The following PDE7B variants were observed in gnomAD, a reference collection of about 807,000 sequenced individuals.
PDE7B encodes phosphodiesterase 7B, also known as 3',5'-cyclic-AMP phosphodiesterase 7B.
A neutral mutation model predicts 56.2 loss-of-function variants in PDE7B; 29 were observed. That is an observed-to-expected ratio of 0.52 (90% CI 0.38 to 0.70). The LOEUF (loss-of-function observed/expected upper bound fraction) is 0.70, where lower values mean the gene tolerates loss of function less well. PDE7B is among the 30% of genes least tolerant of loss of function. PDE7B has a pLI of 0.00. For synonymous variants in PDE7B, 197 were observed against 196.9 expected, an observed-to-expected ratio of 1.00 and a Z score of 0.00; for missense variants, 490 against 565.0, an observed-to-expected ratio of 0.87 and a Z score of 1.35.
At chr6:135,933,196 A>G (rs1774325236) in intron 1 of PDE7B, among the ~76,000 whole-genome samples, 1 of 152,226 alleles carries the variant, frequency 6.6e-6, no homozygotes, top group African/African-American at 2.4e-5. Context: ...ATAGTGCACT[A>G]CAAAGCACAG....
At chr6:135,870,562 A>T (rs1334508351) in intron 1 of PDE7B, among the ~76,000 whole-genome samples, 3 of 151,700 alleles carry the variant, frequency 2.0e-5, no homozygotes, top group Non-Finnish European at 4.4e-5. Context: ...AATAAACTAA[A>T]TTTGAGAACA....
intron 1 of PDE7B, among the ~76,000 whole-genome samples, chr6:135,934,938 T>C (rs1446546848): frequency 5.3e-5 from 4 of 75,354 alleles, no homozygotes; most frequent in Admixed American, 2.2e-4. Flanking sequence ...TATTTAAATA[T>C]ATAATATATA....
intron 1 of PDE7B, among the ~76,000 whole-genome samples, chr6:135,883,609 C>A (rs1325300253): frequency 6.6e-6 from 1 of 152,130 alleles, no homozygotes; most frequent in African/African-American, 2.4e-5. Flanking sequence ...AACAAGAAAC[C>A]TGCTTTATTC....
At chr6:135,971,856 A>G (rs1775099202) in intron 2 of PDE7B, among the ~76,000 whole-genome samples, 1 of 152,308 alleles carries the variant, frequency 6.6e-6, no homozygotes, top group Admixed American at 6.5e-5. Flanking sequence ...ATGTAAATTT[A>G]GTTGTGGCAG....
chr6:136,181,434 T>C, intron 11 of PDE7B, 111 bp downstream of exon 11: 1 of 723,732 alleles, frequency 1.4e-6, no homozygotes, highest in South Asian at 1.6e-5. Context: ...TCTCATCAAC[T>C]CTTGTTATCC....
chr6:135,907,401 A>G (rs1776134746), intron 1 of PDE7B, among the ~76,000 whole-genome samples: 1 of 152,074 alleles, frequency 6.6e-6, no homozygotes, highest in Non-Finnish European at 1.5e-5. Context: ...TACAGAGCTT[A>G]GTTTTCACGG....
At chr6:136,112,779 C>T (rs1414456139) in intron 3 of PDE7B, among the ~76,000 whole-genome samples, 1 of 152,108 alleles carries the variant, frequency 6.6e-6, no homozygotes, top group Non-Finnish European at 1.5e-5. Flanking sequence ...CTTGCACATT[C>T]TTCTGGAAGA....
intron 2 of PDE7B, among the ~76,000 whole-genome samples, chr6:136,000,719 C>G (rs1775651015): frequency 1.3e-5 from 2 of 152,144 alleles, no homozygotes; most frequent in Non-Finnish European, 2.9e-5. Context: ...CTTAAGATTG[C>G]CTTGGCTAAG....
At chr6:136,142,324 TTGTTA>T (rs1255021609) in intron 3 of PDE7B, among the ~76,000 whole-genome samples, 1 of 152,156 alleles carries the variant, frequency 6.6e-6, no homozygotes, top group African/African-American at 2.4e-5. Context: ...GAGAGACAGT[TTGTTA>T]TAATTTCTGT....
chr6:135,853,968 G>A (rs549183395), intron 1 of PDE7B, among the ~76,000 whole-genome samples: 1 of 152,152 alleles, frequency 6.6e-6, no homozygotes, highest in African/African-American at 2.4e-5. Flanking sequence ...ATGTGTTTTT[G>A]AAAAGCACTT....
At chr6:136,142,116 A>C (rs1043232313) in intron 3 of PDE7B, among the ~76,000 whole-genome samples, 1 of 152,076 alleles carries the variant, frequency 6.6e-6, no homozygotes, top group Admixed American at 6.6e-5. Flanking sequence ...CCCTCTACAC[A>C]CTGCTTTGAC....
At chr6:136,160,870 C>A (rs1210600768) in intron 8 of PDE7B, among the ~76,000 whole-genome samples, 5 of 152,162 alleles carry the variant, frequency 3.3e-5, no homozygotes, top group Admixed American at 3.3e-4. Context: ...TGAATACATG[C>A]TAGGTGCAGG....
chr6:136,153,850 A>G (rs1207412362), intron 6 of PDE7B, among the ~76,000 whole-genome samples: 1 of 152,148 alleles, frequency 6.6e-6, no homozygotes, highest in Non-Finnish European at 1.5e-5. Context: ...ACGCTTCACA[A>G]ATCCTTTTGG....
intron 1 of PDE7B, among the ~76,000 whole-genome samples, chr6:135,889,984 C>T (rs1022932267): frequency 2.2e-4 from 33 of 151,750 alleles, no homozygotes; most frequent in Admixed American, 2.1e-3. Context: ...AACTCCTGAC[C>T]TCAGGTTATC....
intron 9 of PDE7B, among the ~76,000 whole-genome samples, chr6:136,178,087 C>T (rs551965865): frequency 3.5e-4 from 53 of 152,112 alleles, no homozygotes; most frequent in Admixed American, 1.8e-3. Context: ...TTTATAGATG[C>T]ACTCACAGGT....
intron 2 of PDE7B, among the ~76,000 whole-genome samples, chr6:135,968,921 T>C (rs1395623948): frequency 6.6e-6 from 1 of 151,970 alleles, no homozygotes; most frequent in Non-Finnish European, 1.5e-5. Context: ...ATAAAGAAAA[T>C]GTGGTACATA....
chr6:135,977,418 C>T (rs75811524), intron 2 of PDE7B, among the ~76,000 whole-genome samples: 4,640 of 152,208 alleles, frequency 0.03, 210 homozygotes, highest in African/African-American at 0.099. Context: ...CTTGAATAGA[C>T]TCCAGGGCCG....
intron 1 of PDE7B, among the ~76,000 whole-genome samples, chr6:135,878,955 G>A (rs1353882126): frequency 1.3e-5 from 2 of 151,898 alleles, no homozygotes; most frequent in Non-Finnish European, 2.9e-5. Flanking sequence ...CTAGCCCTTT[G>A]TCATATATCT....
At chr6:136,029,505 AAC>A (rs1420995617) in intron 2 of PDE7B, among the ~76,000 whole-genome samples, 2 of 152,230 alleles carry the variant, frequency 1.3e-5, no homozygotes, top group African/African-American at 2.4e-5. Flanking sequence ...TGTCTCAGAA[AAC>A]ACAGAATACA....
Sources: gnomAD v4.1 joint callset for allele counts (sites outside exome capture counted in the v4.1 genomes callset) on GRCh38, gnomAD v4.1.1 for gene constraint, MANE v1.5 for transcripts, NCBI Gene and HGNC (gene_info 2026-07-23, HGNC 2026-07-21) for gene names.